Variants in DBP observed in about 807,000 individuals in gnomAD.
DBP encodes the protein D-box binding PAR bZIP transcription factor, also known as D site-binding protein.
A neutral mutation model predicts 21.4 loss-of-function variants in DBP; 12 were observed. That is an observed-to-expected ratio of 0.56 (90% CI 0.36 to 0.91). DBP has a LOEUF of 0.91. Among genes scored for constraint, DBP ranks in the 40% least tolerant of loss-of-function variants. DBP has a pLI of 0.01. For synonymous variants in DBP, 213 were observed against 224.9 expected (o/e 0.95, Z 0.47); for missense variants, 423 against 473.4 (o/e 0.89, Z 0.99).
chr19:48,630,534 T>C lies in DBP; in HGVS notation c.*303A>G. 1.3e-6 allele frequency: 2 copies of C among 1,535,206 alleles called. No homozygotes were observed. Among genetic ancestry groups the C allele is most frequent in the Non-Finnish European group, 1.7e-6 (2 of 1,146,506 alleles). On this transcript the variant is annotated 3_prime_UTR_variant, in exon 4 of 4. Coordinates refer to ENST00000222122, the MANE Select transcript of DBP (RefSeq NM_001352.5). This position sits in a 1 kb window ranked among gnomAD's most constrained non-coding sequence, Gnocchi z 4.9. ...GGCTGCAGCCAGTATGCCAGGGAGC[T>C]GCCCTCTTCTTCCACAACAGCTGGC...
At chr19:48,633,278 C>G in intron 3 of DBP, 166 bp downstream of exon 3, 1 of 735,282 alleles carries the variant, frequency 1.4e-6, no homozygotes, top group East Asian at 2.4e-5. Context: ...AGGCCCCTGC[C>G]CCCTTGTGCC....
chr19:48,630,482 A>G lies in DBP; in HGVS notation c.*355T>C. On this transcript the variant is annotated 3_prime_UTR_variant, in exon 4 of 4. Coordinates refer to ENST00000222122, the MANE Select transcript of DBP (RefSeq NM_001352.5). The surrounding 1 kb of genome is among the most constrained non-coding windows in gnomAD (Gnocchi z 4.9). Reference sequence around the variant, plus strand: ...GCACTTCCAGCAGCGCCTGCCCTCTATGGACGACAGCCCGGAGCTGCCCAC... The same window carrying G: ...GCACTTCCAGCAGCGCCTGCCCTCTGTGGACGACAGCCCGGAGCTGCCCAC... 2.0e-6 allele frequency: 3 copies of G among 1,505,752 alleles called. No homozygotes were observed. The highest frequency in any genetic ancestry group is 2.3e-5 in the Admixed American group (1 of 44,312). 93.3% of individuals were successfully genotyped at this position (1,505,752 alleles called of 1,614,324 possible). A position where few individuals can be genotyped will look rare whatever the true frequency, so the allele number is the denominator to read the frequency against.
chr19:48,630,065 T>C lies in DBP; in HGVS notation c.*772A>G. ...GGGCTCAGTCCTGACGCTTGCCACCTGCTCCTACCCGGCCAGGATGGCTGA... is the reference window on the plus strand; with the variant it reads ...GGGCTCAGTCCTGACGCTTGCCACCCGCTCCTACCCGGCCAGGATGGCTGA... On this transcript the variant is annotated 3_prime_UTR_variant, in exon 4 of 4. Coordinates refer to ENST00000222122, the MANE Select transcript of DBP (RefSeq NM_001352.5). This position sits in a 1 kb window ranked among gnomAD's most constrained non-coding sequence, Gnocchi z 4.9. 3.9e-6 allele frequency: 5 copies of C among 1,287,432 alleles called. No individual in the cohort carries two copies. The highest frequency in any genetic ancestry group is 4.9e-6 in the Non-Finnish European group (5 of 1,018,078). 79.8% of individuals were successfully genotyped at this position (1,287,432 alleles called of 1,614,324 possible).
In DBP at chr19:48,637,379, C is replaced by G. The variant is rs1414460230; in HGVS notation, c.-385G>C. 2.5e-5 allele frequency: 5 copies of G among 198,524 alleles called. No individual in the cohort carries two copies. The highest frequency in any genetic ancestry group is 1.2e-4 in the African/African-American group (5 of 43,268). 12.3% of individuals were successfully genotyped at this position (198,524 alleles called of 1,614,324 possible). The stretch of plus-strand genomic sequence containing the variant: ...TTTGCAATCTGCACCGAGAGGTGTG[C>G]GCGGAGGGGCGGAGGAGGGGGCAGG... On this transcript the variant is annotated 5_prime_UTR_variant, in exon 1 of 4. Coordinates refer to ENST00000222122, the MANE Select transcript of DBP (RefSeq NM_001352.5).
Position 48,630,402 on chromosome 19 carries a change from C to T in DBP, c.*435G>A. Reference sequence around the variant, plus strand: ...CAATAAAGGCAGTCGCTTCATTCCTCTCAGACCTTCTGCCCTTCCTCCATC... The same window carrying T: ...CAATAAAGGCAGTCGCTTCATTCCTTTCAGACCTTCTGCCCTTCCTCCATC... On this transcript the variant is annotated 3_prime_UTR_variant, in exon 4 of 4. Coordinates refer to ENST00000222122, the MANE Select transcript of DBP (RefSeq NM_001352.5). The surrounding 1 kb of genome is among the most constrained non-coding windows in gnomAD (Gnocchi z 4.9). 1 of 1,407,938 alleles carries T rather than the reference C, an allele frequency of 7.1e-7. No individual in the cohort carries two copies. Among genetic ancestry groups the T allele is most frequent in the Non-Finnish European group, 9.2e-7 (1 of 1,084,474 alleles). 87.2% of individuals were successfully genotyped at this position (1,407,938 alleles called of 1,614,324 possible).
rs1490936776 is a variant in DBP, at chr19:48,630,658, C to A, written c.*179G>T. On this transcript the variant is annotated 3_prime_UTR_variant, in exon 4 of 4. Coordinates refer to ENST00000222122, the MANE Select transcript of DBP (RefSeq NM_001352.5). The surrounding 1 kb of genome is among the most constrained non-coding windows in gnomAD (Gnocchi z 4.9). The stretch of plus-strand genomic sequence containing the variant: ...GGACACACACAGAGAACCCTCCCCG[C>A]CCCCGCAAGGGAGGGGGGAGGCTCG... 2.1e-6 allele frequency: 3 copies of A among 1,458,656 alleles called. No homozygotes were observed. The highest frequency in any genetic ancestry group is 2.6e-5 in the Admixed American group (1 of 38,748). The allele number at this position is 1,458,656 out of a possible 1,614,324, so 90.4% of individuals were successfully genotyped here. A position where few individuals can be genotyped will look rare whatever the true frequency, so the allele number is the denominator to read the frequency against.
intron 2 of DBP, chr19:48,634,696 C>A (rs1165452046): frequency 4.1e-6 from 4 of 985,394 alleles, no homozygotes; most frequent in East Asian, 2.3e-4. Context: ...TGGGAGGACT[C>A]ACGTGGCGCA....
Position 48,630,057 on chromosome 19 carries a change from T to C in DBP, c.*780A>G, listed in dbSNP as rs183611998. On this transcript the variant is annotated 3_prime_UTR_variant, in exon 4 of 4. Transcript: ENST00000222122. This position sits in a 1 kb window ranked among gnomAD's most constrained non-coding sequence, Gnocchi z 4.9. ...ACGGGGCAGGGCTCAGTCCTGACGC[T>C]TGCCACCTGCTCCTACCCGGCCAGG... 1.2e-3 allele frequency: 1,490 copies of C among 1,291,938 alleles called. No homozygotes were observed. Among genetic ancestry groups the C allele is most frequent in the Non-Finnish European group, 1.4e-3 (1,384 of 1,020,802 alleles). 80.0% of individuals were successfully genotyped at this position (1,291,938 alleles called of 1,614,324 possible).
intron 3 of DBP, chr19:48,633,054 T>C (rs1442560148): frequency 2.5e-6 from 1 of 408,092 alleles, no homozygotes; most frequent in Non-Finnish European, 4.5e-6. Flanking sequence ...AGTGCAGTGG[T>C]GTAATCTTGG....
rs80273410 is a variant in DBP at position 48,630,779 on chromosome 19, G to C, written c.*58C>G. The stretch of plus-strand genomic sequence containing the variant: ...TGGGCCACAGGGCAGGAAGGGAACA[G>C]GGCGTAAGTCTCAGCAAGGCGGAGG... On this transcript the variant is annotated 3_prime_UTR_variant, in exon 4 of 4. Transcript: ENST00000222122. The surrounding 1 kb of genome is among the most constrained non-coding windows in gnomAD (Gnocchi z 4.9). The C allele has an allele frequency of 2.2e-5, 33 of 1,519,398 alleles. No homozygotes were observed. The Admixed American group carries it at 2.2e-4, about 10-fold the overall frequency. 94.1% of individuals were successfully genotyped at this position (1,519,398 alleles called of 1,614,324 possible).
chr19:48,631,332 T>G, intron 3 of DBP: 1 of 443,976 alleles, frequency 2.3e-6, no homozygotes, highest in Non-Finnish European at 4.1e-6. Context: ...TGCATGCAGT[T>G]AGCTCTTGCT....
chr19:48,631,110 G>C (rs1035466557), intron 3 of DBP, 58 bp from the exon 4 acceptor site: 1 of 1,496,252 alleles, frequency 6.7e-7, no homozygotes, highest in African/African-American at 1.4e-5. Flanking sequence ...CCCAGCGAGA[G>C]AGGAAGGGAG....
chr19:48,635,682 G>C lies in DBP; in HGVS notation c.448C>G (p.Pro150Ala). The C allele has an allele frequency of 7.6e-7, 1 of 1,318,978 alleles. No homozygotes were observed. The highest frequency in any genetic ancestry group is 9.6e-7 in the Non-Finnish European group (1 of 1,041,864). 81.7% of individuals were successfully genotyped at this position (1,318,978 alleles called of 1,614,324 possible). A position where few individuals can be genotyped will look rare whatever the true frequency, so the allele number is the denominator to read the frequency against. ...PEPSPARTPA[P>A]SPGPGSCGSA... ...CCGCACGAACCCGGCCCTGGGGAGG[G>C]TGCGGGCGTCCGCGCGGGCGACGGC... The change falls in exon 2 of 4, where the codon CCC (proline) becomes GCC (alanine). Residue 150 changes from proline (P) to alanine (A), a missense_variant. Physicochemically the swap from Pro to Ala is conservative, Grantham distance 27. This residue lies in a region of DBP where 283 missense variants were observed against 273.7 expected (regional missense o/e 1.03). Coordinates refer to ENST00000222122, the MANE Select transcript of DBP (RefSeq NM_001352.5).
Position 48,633,976 on chromosome 19 carries a change from G to C in DBP, c.551-321C>G, listed in dbSNP as rs577057849. 705 of 353,744 alleles carry C rather than the reference G, an allele frequency of 2.0e-3. 3 individuals are homozygous for C. Among genetic ancestry groups the C allele is most frequent in the Non-Finnish European group, 2.9e-3 (551 of 186,932 alleles). 21.9% of individuals were successfully genotyped at this position (353,744 alleles called of 1,614,324 possible). A position where few individuals can be genotyped will look rare whatever the true frequency, so the allele number is the denominator to read the frequency against. On this transcript the variant is annotated intron_variant, in intron 2 of 3. Transcript: ENST00000222122. ...TTGCCCAGGTGTAGTGGCGGGTGCCGGTAAGCCCAGCTACTAGGGAGGCTG... is the reference window on the plus strand; with the variant it reads ...TTGCCCAGGTGTAGTGGCGGGTGCCCGTAAGCCCAGCTACTAGGGAGGCTG...
chr19:48,636,055 C>T (rs2030781007), intron 1 of DBP, 65 bp from the exon 2 acceptor site: 4 of 1,416,926 alleles, frequency 2.8e-6, no homozygotes, highest in East Asian at 2.8e-5. Context: ...GGAGAAGAGA[C>T]CCCGAGTCCG....
rs1293097350 is a variant in DBP, at chr19:48,633,887, G to A, written c.551-232C>T. 5.4e-6 allele frequency: 3 copies of A among 555,724 alleles called. No homozygotes were observed. The African/African-American group carries it at 5.6e-5, about 10-fold the overall frequency. 34.4% of individuals were successfully genotyped at this position (555,724 alleles called of 1,614,324 possible). A position where few individuals can be genotyped will look rare whatever the true frequency, so the allele number is the denominator to read the frequency against. On this transcript the variant is annotated intron_variant, in intron 2 of 3. Transcript: ENST00000222122. The stretch of plus-strand genomic sequence containing the variant: ...AAGCCGAGGCGGCGAATCACCTTTA[G>A]TCAGGAGTTCAAGACCAGCATGGCC...
Position 48,630,100 on chromosome 19 carries a change from C to G in DBP, c.*737G>C. The G allele has an allele frequency of 7.9e-7, 1 of 1,267,216 alleles. No individual in the cohort carries two copies. The highest frequency in any genetic ancestry group is 1.5e-5 in the African/African-American group (1 of 65,904). The allele number at this position is 1,267,216 out of a possible 1,614,324, so 78.5% of individuals were successfully genotyped here. A position where few individuals can be genotyped will look rare whatever the true frequency, so the allele number is the denominator to read the frequency against. ...CGGCCAGGATGGCTGAGGGCGGAGT[C>G]TATTTTACGCGTCGCCCAATGACAG... is the stretch of plus-strand genomic sequence containing the variant. On this transcript the variant is annotated 3_prime_UTR_variant, in exon 4 of 4. Transcript: ENST00000222122. The surrounding 1 kb of genome is among the most constrained non-coding windows in gnomAD (Gnocchi z 4.9).
chr19:48,631,308 A>C, intron 3 of DBP: 1 of 531,610 alleles, frequency 1.9e-6, no homozygotes, highest in African/African-American at 1.9e-5. Context: ...AGCCCTCCCC[A>C]CATGATAAAG....
chr19:48,635,447 A>G, intron 2 of DBP, 133 bp downstream of exon 2: 1 of 1,475,926 alleles, frequency 6.8e-7, no homozygotes, highest in Non-Finnish European at 9.0e-7. Context: ...CTCCCACGAC[A>G]CCTCTCGACA....
Sources: allele counts gnomAD v4.1 joint callset, GRCh38; gene constraint gnomAD v4.1.1; regional missense constraint gnomAD v4.1.1; non-coding constraint Gnocchi (gnomAD v3.1); transcripts MANE v1.5; gene names NCBI Gene and HGNC (gene_info 2026-07-23, HGNC 2026-07-21).